The following SHISAL1 variants were observed in gnomAD, a reference collection of about 807,000 sequenced individuals.
SHISAL1 encodes the protein protein shisa-like-1.
Under a neutral mutation model 22.6 loss-of-function variants are expected in SHISAL1, and 9 were observed. That is an observed-to-expected ratio of 0.40 (90% CI 0.24 to 0.70). The LOEUF is 0.70. Ranked by LOEUF, SHISAL1 falls within the 30% of genes least tolerant of loss-of-function variation. The probability of loss-of-function intolerance (pLI) is 0.39; values close to 1 mark genes in which losing one functional copy is unlikely to be tolerated. For missense variants in SHISAL1, 246 were observed against 270.6 expected, an observed-to-expected ratio of 0.91 and a Z score of 0.64; for synonymous variants, 119 against 115.4, an observed-to-expected ratio of 1.03 and a Z score of -0.20.
At chr22:44,306,291 C>A (rs112328572) in intron 1 of SHISAL1, among the ~76,000 whole-genome samples, 8,351 of 104,988 alleles carry the variant, frequency 0.08, 347 homozygotes, top group South Asian at 0.16. Context: ...GTGGAGGGGA[C>A]CTGGGCTCAG....
intron 4 of SHISAL1, among the ~76,000 whole-genome samples, chr22:44,284,953 T>C (rs1288125542): frequency 6.6e-6 from 1 of 150,488 alleles, no homozygotes; most frequent in East Asian, 2.0e-4. Context: ...ACAGCCTGCC[T>C]GAGTCAGAAC....
At chr22:44,327,659 C>A in the SHISAL1 span, among the ~76,000 whole-genome samples, 2 of 152,020 alleles carry the variant, frequency 1.3e-5, no homozygotes, top group South Asian at 2.1e-4. Context: ...GGAATGTGTA[C>A]CCTGGAGGAA....
intron 4 of SHISAL1, among the ~76,000 whole-genome samples, chr22:44,261,096 T>C (rs1475909141): frequency 7.7e-6 from 1 of 130,574 alleles, no homozygotes; most frequent in African/African-American, 3.5e-5. Flanking sequence ...TATATATATA[T>C]ATACACTATA....
intron 4 of SHISAL1, among the ~76,000 whole-genome samples, chr22:44,271,693 A>ATTT (rs1262103154): frequency 6.6e-6 from 1 of 152,164 alleles, no homozygotes; most frequent in Non-Finnish European, 1.5e-5. Context: ...TGCAAAGCCT[A>ATTT]ATCTGGGAGC....
At chr22:44,274,314 C>A (rs1346420416) in intron 4 of SHISAL1, among the ~76,000 whole-genome samples, 1 of 152,078 alleles carries the variant, frequency 6.6e-6, no homozygotes, top group East Asian at 1.9e-4. Context: ...AAATCCAGTG[C>A]CCTCAAAAGC....
At chr22:44,264,705 T>G (rs1253255174) in intron 4 of SHISAL1, among the ~76,000 whole-genome samples, 1 of 151,274 alleles carries the variant, frequency 6.6e-6, no homozygotes, top group Non-Finnish European at 1.5e-5. Flanking sequence ...TGACCTTGGG[T>G]GAGGTCCCCA....
At chr22:44,324,538 C>T in the SHISAL1 span, among the ~76,000 whole-genome samples, 124 of 152,314 alleles carry the variant, frequency 8.1e-4, no homozygotes, top group African/African-American at 2.9e-3. Flanking sequence ...CAGAGGCGGA[C>T]AAGGCATTGA....
chr22:44,285,547 C>G lies in SHISAL1; in HGVS notation c.480G>C (p.Gln160His). 1 of 1,538,298 alleles carries G rather than the reference C, an allele frequency of 6.5e-7. No homozygotes were observed. The highest frequency in any genetic ancestry group is 1.7e-4 in the Middle Eastern group (1 of 5,982). Residue 160 changes from glutamine to histidine, a missense_variant, in exon 4 of 5, where the codon CAG becomes CAC. This residue lies in a region of SHISAL1 where 136 missense variants were observed against 117.5 expected (regional missense o/e 1.16). Transcript: ENST00000381176. ...GNPARAPRPG[Q>H]RAPQPQPPPG... ...GGGGAGGCTGCGGCTGTGGGGCCCG[C>G]TGACCCGGCCGAGGGGCCCGAGCGG...
At chr22:44,287,726 G>T (rs1304905625) in intron 3 of SHISAL1, among the ~76,000 whole-genome samples, 3 of 152,188 alleles carry the variant, frequency 2.0e-5, no homozygotes, top group Non-Finnish European at 4.4e-5. Context: ...GGAATTCCAG[G>T]AAAAAGAGGC....
At chr22:44,250,023 T>G (rs1486586763) in intron 4 of SHISAL1, among the ~76,000 whole-genome samples, 1 of 152,034 alleles carries the variant, frequency 6.6e-6, no homozygotes, top group Non-Finnish European at 1.5e-5. Context: ...GAATGGAGAG[T>G]GCAGACATAG....
chr22:44,320,425 G>A, the SHISAL1 span, among the ~76,000 whole-genome samples: 45 of 152,238 alleles, frequency 3.0e-4, no homozygotes, highest in Non-Finnish European at 1.0e-4. Flanking sequence ...GGGGCAGGGA[G>A]GAGGTGCGAG....
the SHISAL1 span, among the ~76,000 whole-genome samples, chr22:44,319,075 C>T: frequency 6.6e-6 from 1 of 152,388 alleles, no homozygotes; most frequent in East Asian, 1.9e-4. Flanking sequence ...CTGCCCAGGA[C>T]AGTAGCCCGT....
At chr22:44,305,047 C>G (rs552029471) in intron 1 of SHISAL1, among the ~76,000 whole-genome samples, 1 of 152,294 alleles carries the variant, frequency 6.6e-6, no homozygotes, top group South Asian at 2.1e-4. Flanking sequence ...GGGGGGTACT[C>G]TTCCTTCACC....
At position 44,310,252 on chromosome 22, in the gene SHISAL1, C is replaced by G. The variant is rs2055509065; in HGVS notation, c.-33+2499G>C. Among the ~76,000 whole-genome samples, 1 of 152,210 alleles carries G rather than the reference C, an allele frequency of 6.6e-6. No individual in the cohort carries two copies. The highest frequency in any genetic ancestry group is 1.5e-5 in the Non-Finnish European group (1 of 68,048). ...GCACAGGCCTGACACGTAGTAGGCA[C>G]TTTATAAACATGTGTTAATTGGTTG... On this transcript the variant is annotated intron_variant, in intron 1 of 4. Transcript: ENST00000381176. This position sits in a 1 kb window ranked among gnomAD's most constrained non-coding sequence, Gnocchi z 4.0.
At chr22:44,328,941 C>A in the SHISAL1 span, among the ~76,000 whole-genome samples, 9 of 152,230 alleles carry the variant, frequency 5.9e-5, no homozygotes, top group Non-Finnish European at 8.8e-5. Context: ...TCTCTGCCCA[C>A]AGAGGGTCCC....
chr22:44,285,048 G>C (rs548290288), intron 4 of SHISAL1, among the ~76,000 whole-genome samples: 15 of 152,238 alleles, frequency 9.9e-5, no homozygotes, highest in African/African-American at 3.6e-4. Flanking sequence ...GAAAAATCTG[G>C]CTGGACAGAC....
At chr22:44,290,741 C>T (rs1022117566) in intron 3 of SHISAL1, among the ~76,000 whole-genome samples, 3 of 152,112 alleles carry the variant, frequency 2.0e-5, no homozygotes, top group Non-Finnish European at 4.4e-5. Flanking sequence ...GATACCTAGA[C>T]CTCCTACTTC....
upstream of SHISAL1, among the ~76,000 whole-genome samples, chr22:44,314,282 A>G (rs1405212568): frequency 2.0e-5 from 3 of 152,122 alleles, no homozygotes; most frequent in Non-Finnish European, 4.4e-5. Flanking sequence ...GGGGCTCAGC[A>G]TAGCAGCAGA....
chr22:44,296,144 C>T (rs947751847), intron 3 of SHISAL1, among the ~76,000 whole-genome samples: 3 of 144,362 alleles, frequency 2.1e-5, no homozygotes, highest in Non-Finnish European at 4.6e-5. Flanking sequence ...TGTGTCCCTC[C>T]CTCCCTCCCT....
Sources: gnomAD v4.1 joint callset for allele counts (sites outside exome capture counted in the v4.1 genomes callset) on GRCh38, gnomAD v4.1.1 for gene constraint, gnomAD v4.1.1 regional missense constraint, Gnocchi (gnomAD v3.1) non-coding constraint, MANE v1.5 for transcripts, NCBI Gene and HGNC (gene_info 2026-07-23, HGNC 2026-07-21) for gene names.